Variants in FGL1 observed in about 807,000 individuals in gnomAD.
FGL1 encodes fibrinogen like 1.
A neutral mutation model predicts 43.7 loss-of-function variants in FGL1; 59 were observed. The ratio of observed to expected loss-of-function variants is 1.35; its 90% CI spans 1.10 to 1.68. The LOEUF (loss-of-function observed/expected upper bound fraction) is 1.68, where lower values mean the gene tolerates loss of function less well. Ranked by LOEUF, FGL1 falls within the 40% of genes most tolerant of loss-of-function variation. The pLI, the probability that FGL1 is intolerant of heterozygous loss-of-function variation, is 0.00. For missense variants in FGL1, 596 were observed against 373.0 expected, an observed-to-expected ratio of 1.60 and a Z score of -4.92; for synonymous variants, 192 against 126.5, an observed-to-expected ratio of 1.52 and a Z score of -3.48.
intron 2 of FGL1, among the ~76,000 whole-genome samples, chr8:17,883,254 T>TAGC (rs1283883974): frequency 3.8e-4 from 36 of 93,632 alleles, no homozygotes; most frequent in Non-Finnish European, 5.6e-4. Flanking sequence ...ATATAATATA[T>TAGC]ATCATATATA....
chr8:17,892,250 G>A (rs994623827), intron 1 of FGL1, among the ~76,000 whole-genome samples: 1 of 151,762 alleles, frequency 6.6e-6, no homozygotes, highest in Non-Finnish European at 1.5e-5. Flanking sequence ...CATAGTCACA[G>A]ACATACAGTC....
chr8:17,868,957 G>T lies in FGL1; in HGVS notation c.550C>A (p.Arg184Ser). 6.2e-7 allele frequency: 1 copy of T among 1,603,078 alleles called. No homozygotes were observed. Residue 184 changes from arginine (R) to serine (S), a missense_variant, in exon 6 of 8, where the codon CGT (arginine) becomes AGT (serine). Physicochemically the swap from Arg to Ser is moderately radical, Grantham distance 110. Coordinates refer to ENST00000427924, the MANE Select transcript of FGL1 (RefSeq NM_004467.4). ...TTGAAATTCTTATATTGTGCATAACGGCTATTTTTTTCAAAATCTGCAAGG... is the reference window on the plus strand; with the variant it reads ...TTGAAATTCTTATATTGTGCATAACTGCTATTTTTTTCAAAATCTGCAAGG... ...IDLADFEKNS[R>S]YAQYKNFKVG...
intron 1 of FGL1, chr8:17,891,554 T>C (rs551974995): frequency 2.8e-6 from 1 of 354,284 alleles, no homozygotes; most frequent in Non-Finnish European, 3.9e-6. Context: ...AAAGACCCTA[T>C]TTGCAAATGA....
intron 1 of FGL1, 94 bp downstream of exon 1, chr8:17,895,353 G>A (rs2053759481): frequency 8.3e-7 from 1 of 1,209,934 alleles, no homozygotes; most frequent in Admixed American, 2.7e-5. Context: ...AAAAGCTAAT[G>A]GTTGTTACCT....
intron 7 of FGL1, among the ~76,000 whole-genome samples, chr8:17,865,289 C>T (rs1201776369): frequency 1.3e-5 from 2 of 152,192 alleles, no homozygotes; most frequent in African/African-American, 2.4e-5. Context: ...TAATTTCATA[C>T]TTAACAAGAG....
At chr8:17,874,771 TA>T in intron 3 of FGL1, 1 of 296,638 alleles carries the variant, frequency 3.4e-6, no homozygotes, top group Non-Finnish European at 6.1e-6. Context: ...AATAAGAATC[TA>T]GTTTTTTGTT....
intron 5 of FGL1, among the ~76,000 whole-genome samples, chr8:17,872,194 T>G (rs567614146): frequency 6.6e-6 from 1 of 152,214 alleles, no homozygotes; most frequent in East Asian, 1.9e-4. Flanking sequence ...ATCATTCTAG[T>G]GTCTCAAAGA....
intron 7 of FGL1, among the ~76,000 whole-genome samples, chr8:17,866,592 G>C (rs570964047): frequency 3.0e-4 from 45 of 152,250 alleles, no homozygotes; most frequent in African/African-American, 9.6e-4. Context: ...CAAGGATAAT[G>C]TGGGCTCTGT....
intron 3 of FGL1, 36 bp from the exon 4 acceptor site, chr8:17,874,557 G>A: frequency 1.9e-6 from 3 of 1,567,482 alleles, no homozygotes; most frequent in Non-Finnish European, 2.6e-6. Context: ...CATTCATTAT[G>A]TGTCTTTTTC....
At chr8:17,885,049 T>C (rs1221167695) in intron 2 of FGL1, among the ~76,000 whole-genome samples, 4 of 152,052 alleles carry the variant, frequency 2.6e-5, no homozygotes, top group African/African-American at 7.2e-5. Context: ...AAAGCACTTT[T>C]TTTTTTTTTG....
intron 2 of FGL1, among the ~76,000 whole-genome samples, chr8:17,883,094 GTAATATATTAAA>G (rs1156338893): frequency 1.1e-4 from 2 of 18,416 alleles, no homozygotes; most frequent in Non-Finnish European, 2.0e-4. Flanking sequence ...TATATCATAT[GTAATATATTAAA>G]TAATATATAT....
At position 17,864,789 on chromosome 8, in the gene FGL1, G is replaced by T. The variant is rs200759939; in HGVS notation, c.780-38C>A. 1.4e-5 allele frequency: 20 copies of T among 1,412,046 alleles called. No homozygotes were observed. In the Admixed American group the frequency reaches 2.9e-4, roughly 20 times the overall value. The allele number at this position is 1,412,046 out of a possible 1,614,324, so 87.5% of individuals were successfully genotyped here. A position where few individuals can be genotyped will look rare whatever the true frequency, so the allele number is the denominator to read the frequency against. Reference sequence around the variant, plus strand: ...AGAAAAAAAAAGAAAACAACAATCAGACTGGAAAAATATTGTTCAGAATCC... The same window carrying T: ...AGAAAAAAAAAGAAAACAACAATCATACTGGAAAAATATTGTTCAGAATCC... On this transcript the variant is annotated intron_variant, in intron 7 of 7. Transcript: ENST00000427924.
chr8:17,864,567 A>G lies in FGL1; in HGVS notation c.*25T>C. 6.3e-7 allele frequency: 1 copy of G among 1,591,106 alleles called. No homozygotes were observed. Among genetic ancestry groups the G allele is most frequent in the Non-Finnish European group, 8.5e-7 (1 of 1,171,686 alleles). ...ATCACTTTAAACAAAGCTGAATTGCAGAAACGAAAGCCCAACAGCAGCAAT... is the reference window on the plus strand; with the variant it reads ...ATCACTTTAAACAAAGCTGAATTGCGGAAACGAAAGCCCAACAGCAGCAAT... On this transcript the variant is annotated 3_prime_UTR_variant, in exon 8 of 8. Coordinates refer to ENST00000427924, the MANE Select transcript of FGL1 (RefSeq NM_004467.4).
At chr8:17,868,776 T>G (rs1395862889) in intron 6 of FGL1, 41 bp from the exon 7 acceptor site, 1 of 1,545,456 alleles carries the variant, frequency 6.5e-7, no homozygotes, top group Non-Finnish European at 8.7e-7. Context: ...GGAGTTCCTC[T>G]ATGACCATTT....
chr8:17,880,374 C>G (rs1216448449), intron 3 of FGL1, among the ~76,000 whole-genome samples: 1 of 152,238 alleles, frequency 6.6e-6, no homozygotes, highest in Non-Finnish European at 1.5e-5. Flanking sequence ...GAAGCATAGA[C>G]TCTCACAACT....
chr8:17,879,951 T>A (rs1231436236), intron 3 of FGL1, among the ~76,000 whole-genome samples: 1 of 152,164 alleles, frequency 6.6e-6, no homozygotes, highest in Non-Finnish European at 1.5e-5. Context: ...TGGTTTGAAA[T>A]TTGGAGTAAT....
At chr8:17,865,052 C>T (rs1230544226) in intron 7 of FGL1, among the ~76,000 whole-genome samples, 1 of 151,994 alleles carries the variant, frequency 6.6e-6, no homozygotes, top group Non-Finnish European at 1.5e-5. Context: ...TTCCAAACTG[C>T]TGGGATAACA....
intron 3 of FGL1, among the ~76,000 whole-genome samples, chr8:17,878,162 G>A (rs1388417215): frequency 6.6e-6 from 1 of 151,996 alleles, no homozygotes. Flanking sequence ...ATGTTGCCCA[G>A]GCTGTTCTTG....
intron 3 of FGL1, among the ~76,000 whole-genome samples, chr8:17,879,688 T>C (rs150134515): frequency 2.6e-4 from 39 of 151,908 alleles, no homozygotes; most frequent in Middle Eastern, 3.4e-3. Context: ...GATGCTGCTA[T>C]GCTTCCTTTA....
Sources: allele counts gnomAD v4.1 joint callset (sites outside exome capture counted in the v4.1 genomes callset), GRCh38; gene constraint gnomAD v4.1.1; transcripts MANE v1.5; gene names NCBI Gene and HGNC (gene_info 2026-07-23, HGNC 2026-07-21).